EMP1: variants seen among roughly 807,000 people sequenced by gnomAD.
The protein encoded by EMP1 is tumor-associated membrane protein.
Under a neutral mutation model 15.7 loss-of-function variants are expected in EMP1, and 5 were observed. That is an observed-to-expected ratio of 0.32 (90% confidence interval 0.17 to 0.67). The LOEUF (loss-of-function observed/expected upper bound fraction) is 0.67. EMP1 is among the 30% of genes least tolerant of loss of function. The pLI is 0.74. For missense variants in EMP1, 166 were observed against 194.2 expected, an observed-to-expected ratio of 0.85 and a Z score of 0.86; for synonymous variants, 78 against 76.7, an observed-to-expected ratio of 1.02 and a Z score of -0.09.
chr12:13,209,448 C>G (rs1467999139), intron 1 of EMP1: 3 of 152,152 alleles, frequency 2.0e-5, no homozygotes, highest in Non-Finnish European at 2.9e-5. Flanking sequence ...AACTAGACAG[C>G]AGATATCTTA....
intron 1 of EMP1, among the ~76,000 whole-genome samples, chr12:13,205,064 G>C (rs917042494): frequency 6.6e-6 from 1 of 152,164 alleles, no homozygotes; most frequent in Non-Finnish European, 1.5e-5. Flanking sequence ...CTTTCTAATC[G>C]GGGAAGGGAT....
rs1419279059 is a variant in EMP1 at position 13,219,831 on chromosome 12, A to G, written c.*5140A>G. On this transcript the variant is annotated 3_prime_UTR_variant, in exon 5 of 5. Coordinates refer to ENST00000256951, the MANE Select transcript of EMP1 (RefSeq NM_001423.3). ...AAGTTGTTTGCTTGGAACTCAGAGT[A>G]TATTTTTCCATACGAAAAATTCAGA... 1 of 152,230 alleles carries G rather than the reference A, an allele frequency of 6.6e-6. No homozygotes were observed. The highest frequency in any genetic ancestry group is 1.5e-5 in the Non-Finnish European group (1 of 68,038). The allele number at this position is 152,230 out of a possible 1,614,324, so 9.4% of individuals were successfully genotyped here.
chr12:13,205,868 T>C (rs993213162), intron 1 of EMP1, among the ~76,000 whole-genome samples: 1 of 152,224 alleles, frequency 6.6e-6, no homozygotes, highest in Non-Finnish European at 1.5e-5. Flanking sequence ...GCTTTTATTT[T>C]TGGAAATCCA....
chr12:13,201,352 C>A (rs1368593082), intron 1 of EMP1, among the ~76,000 whole-genome samples: 1 of 151,924 alleles, frequency 6.6e-6, no homozygotes, highest in Non-Finnish European at 1.5e-5. Flanking sequence ...AGGCTGTAGT[C>A]AGCTATGATT....
At chr12:13,214,439 C>A in intron 4 of EMP1, 95 bp from the exon 5 acceptor site, 1 of 1,518,078 alleles carries the variant, frequency 6.6e-7, no homozygotes. Context: ...TTTCCTATTG[C>A]TAATGAGGGA....
intron 1 of EMP1, 62 bp downstream of exon 1, chr12:13,196,934 C>T (rs1864020340): frequency 6.6e-6 from 1 of 152,322 alleles, no homozygotes; most frequent in African/African-American, 2.4e-5. Context: ...TTCCACGGCT[C>T]TGCTTCTTCT....
chr12:13,197,510 T>C (rs1191134818), intron 1 of EMP1, among the ~76,000 whole-genome samples: 2 of 152,182 alleles, frequency 1.3e-5, no homozygotes, highest in African/African-American at 4.8e-5. Context: ...GCACGGTGGC[T>C]CATGCCTGTA....
chr12:13,198,927 G>T (rs1864037616), intron 1 of EMP1, among the ~76,000 whole-genome samples: 1 of 151,230 alleles, frequency 6.6e-6, no homozygotes, highest in South Asian at 2.1e-4. Context: ...TGACAATCCC[G>T]AAATGTGAGG....
chr12:13,198,953 C>G (rs115201496), intron 1 of EMP1, among the ~76,000 whole-genome samples: 1 of 151,262 alleles, frequency 6.6e-6, no homozygotes, highest in East Asian at 1.9e-4. Context: ...TTTTCCCCCC[C>G]ACTCTGCCCG....
At chr12:13,201,018 G>A (rs749583849) in intron 1 of EMP1, among the ~76,000 whole-genome samples, 2 of 152,188 alleles carry the variant, frequency 1.3e-5, no homozygotes, top group African/African-American at 2.4e-5. Flanking sequence ...AAGACAGAGG[G>A]GCAGTGGTGT....
At chr12:13,213,867 C>T in intron 4 of EMP1, 46 bp downstream of exon 4, 1 of 1,608,856 alleles carries the variant, frequency 6.2e-7, no homozygotes, top group African/African-American at 1.3e-5. Flanking sequence ...TTAAGTCCAT[C>T]TTACCATGGG....
chr12:13,210,293 T>C lies in EMP1; in HGVS notation c.-42-1176T>C, dbSNP rs149456819. On this transcript the variant is annotated intron_variant, in intron 1 of 4. Coordinates refer to ENST00000256951, the MANE Select transcript of EMP1 (RefSeq NM_001423.3). The stretch of plus-strand genomic sequence containing the variant: ...GCCATCTCCTCCCTTGGTTGGGGCA[T>C]CCACACATCCATTCTGTCTAGGGTG... Among the ~76,000 whole-genome samples, 12 of 152,328 alleles carry C rather than the reference T, an allele frequency of 7.9e-5. No individual in the cohort carries two copies. The East Asian group carries it at 2.3e-3, about 29-fold the overall frequency.
chr12:13,211,166 A>G lies in EMP1; in HGVS notation c.-42-303A>G, dbSNP rs1487745807. Among the ~76,000 whole-genome samples, 1 of 152,252 alleles carries G rather than the reference A, an allele frequency of 6.6e-6. No homozygotes were observed. Among genetic ancestry groups the G allele is most frequent in the East Asian group, 1.9e-4 (1 of 5,200 alleles). ...TAAAACACAAACAAAATAAAATACG[A>G]ACAGTTATCATAAAATGTTCTTGTT... On this transcript the variant is annotated intron_variant, in intron 1 of 4. Coordinates refer to ENST00000256951, the MANE Select transcript of EMP1 (RefSeq NM_001423.3). The surrounding 1 kb of genome is among the most constrained non-coding windows in gnomAD (Gnocchi z 4.7).
intron 2 of EMP1, among the ~76,000 whole-genome samples, chr12:13,212,556 A>G (rs1864175201): frequency 6.6e-6 from 1 of 152,252 alleles, no homozygotes; most frequent in Admixed American, 6.5e-5. Context: ...TAGCCATTCT[A>G]TATGTCAACT....
chr12:13,214,952 C>T lies in EMP1; in HGVS notation c.*261C>T. The T allele has an allele frequency of 2.4e-6, 1 of 413,796 alleles. No individual in the cohort carries two copies. The allele number at this position is 413,796 out of a possible 1,614,324, so 25.6% of individuals were successfully genotyped here. A position where few individuals can be genotyped will look rare whatever the true frequency, so the allele number is the denominator to read the frequency against. ...CCTCCCTGCAGCCACCAGACTTGGC[C>T]TCCAGCTGTTCTTAGTGACACACAC... On this transcript the variant is annotated 3_prime_UTR_variant, in exon 5 of 5. Coordinates refer to ENST00000256951, the MANE Select transcript of EMP1 (RefSeq NM_001423.3).
chr12:13,217,832 A>G lies in EMP1; in HGVS notation c.*3141A>G, dbSNP rs1382821295. On this transcript the variant is annotated 3_prime_UTR_variant, in exon 5 of 5. Coordinates refer to ENST00000256951, the MANE Select transcript of EMP1 (RefSeq NM_001423.3). ...CAAACATATATATAAATAAATAAAAATATATTTATTTTAAGGAATTGACTC... is the reference window on the plus strand; with the variant it reads ...CAAACATATATATAAATAAATAAAAGTATATTTATTTTAAGGAATTGACTC... 6.6e-6 allele frequency: 1 copy of G among 152,128 alleles called. No individual in the cohort carries two copies. The highest frequency in any genetic ancestry group is 2.4e-5 in the African/African-American group (1 of 41,438). The allele number at this position is 152,128 out of a possible 1,614,324, so 9.4% of individuals were successfully genotyped here.
chr12:13,215,517 G>A lies in EMP1; in HGVS notation c.*826G>A, dbSNP rs1307392975. 6.6e-6 allele frequency: 1 copy of A among 152,144 alleles called. No homozygotes were observed. The highest frequency in any genetic ancestry group is 1.5e-5 in the Non-Finnish European group (1 of 68,060). 9.4% of individuals were successfully genotyped at this position (152,144 alleles called of 1,614,324 possible). A position where few individuals can be genotyped will look rare whatever the true frequency, so the allele number is the denominator to read the frequency against. On this transcript the variant is annotated 3_prime_UTR_variant, in exon 5 of 5. Transcript: ENST00000256951. ...ACCACACAAACTATGGGATCCAAGG[G>A]GCAGTCTTGCAACAGTGCCATGTTA... is the stretch of plus-strand genomic sequence containing the variant.
rs776776515 is a variant in EMP1 at position 13,211,617 on chromosome 12, C to A, written c.78+29C>A. On this transcript the variant is annotated intron_variant, in intron 2 of 4. Coordinates refer to ENST00000256951, the MANE Select transcript of EMP1 (RefSeq NM_001423.3). The surrounding 1 kb of genome is among the most constrained non-coding windows in gnomAD (Gnocchi z 4.7). ...AGTAATGTTCTTTTGTTCATTCATT[C>A]ATTGAGAAATCATTCGAATATTTAC... The A allele has an allele frequency of 3.7e-6, 6 of 1,608,700 alleles. No individual in the cohort carries two copies. The South Asian group carries it at 6.6e-5, about 18-fold the overall frequency.
intron 1 of EMP1, among the ~76,000 whole-genome samples, chr12:13,210,054 A>AGGCACCCTGATGTATATTAGATCAC (rs1241066830): frequency 6.6e-6 from 1 of 152,218 alleles, no homozygotes; most frequent in Non-Finnish European, 1.5e-5. Flanking sequence ...GCAGAGAGCA[A>AGGCACCCTGATGTATATTAGATCAC]GGCACCCTGA....
Sources: gnomAD v4.1 joint callset for allele counts (sites outside exome capture counted in the v4.1 genomes callset) on GRCh38, gnomAD v4.1.1 for gene constraint, Gnocchi (gnomAD v3.1) non-coding constraint, MANE v1.5 for transcripts, NCBI Gene and HGNC (gene_info 2026-07-23, HGNC 2026-07-21) for gene names.